The following GALNTL6 variants were observed in gnomAD, a reference collection of about 807,000 sequenced individuals.
GALNTL6 encodes polypeptide N-acetylgalactosaminyltransferase like 6, also known as polypeptide N-acetylgalactosaminyltransferase-like 6.
GALNTL6 carries 46 observed loss-of-function variants against 73.7 expected under a neutral mutation model. The ratio of observed to expected loss-of-function variants is 0.62; its 90% CI spans 0.49 to 0.80. The LOEUF (loss-of-function observed/expected upper bound fraction) is 0.80. GALNTL6 is among the 30% of genes least tolerant of loss of function. GALNTL6 has a pLI of 0.00. For missense variants in GALNTL6, 604 were observed against 755.0 expected (o/e 0.80, Z 2.34); for synonymous variants, 259 against 263.7 (o/e 0.98, Z 0.17).
intron 5 of GALNTL6, among the ~76,000 whole-genome samples, chr4:172,808,382 A>G (rs1741099241): frequency 6.6e-6 from 1 of 152,242 alleles, no homozygotes; most frequent in South Asian, 2.1e-4. Context: ...AAGAGACTTA[A>G]TAATATTGCC....
intron 8 of GALNTL6, among the ~76,000 whole-genome samples, chr4:172,916,910 A>G (rs895207160): frequency 5.9e-5 from 9 of 152,230 alleles, no homozygotes; most frequent in Non-Finnish European, 1.3e-4. Flanking sequence ...TAAAGTTCAT[A>G]TGGAACCAAA....
intron 4 of GALNTL6, among the ~76,000 whole-genome samples, chr4:172,334,177 G>A (rs755439956): frequency 3.3e-5 from 5 of 152,064 alleles, no homozygotes; most frequent in Non-Finnish European, 7.4e-5. Context: ...TTTGAACTCA[G>A]GTCATGTGAT....
intron 2 of GALNTL6, among the ~76,000 whole-genome samples, chr4:172,095,815 T>C (rs1336622276): frequency 6.6e-6 from 1 of 152,146 alleles, no homozygotes; most frequent in Non-Finnish European, 1.5e-5. Context: ...TCTTTAGCTG[T>C]TGGAAGAATT....
At chr4:172,838,980 G>C (rs997659386) in intron 7 of GALNTL6, among the ~76,000 whole-genome samples, 2 of 152,164 alleles carry the variant, frequency 1.3e-5, no homozygotes, top group African/African-American at 4.8e-5. Context: ...AACTAATTTA[G>C]AGTTTGTTTT....
At chr4:172,000,385 TATCTC>T (rs1740638636) in intron 2 of GALNTL6, among the ~76,000 whole-genome samples, 1 of 152,156 alleles carries the variant, frequency 6.6e-6, no homozygotes, top group African/African-American at 2.4e-5. Flanking sequence ...CTGCAGAACA[TATCTC>T]AGAATCATCC....
chr4:171,962,351 G>A (rs912026771), intron 2 of GALNTL6, among the ~76,000 whole-genome samples: 1 of 152,158 alleles, frequency 6.6e-6, no homozygotes. Flanking sequence ...TGAGATAGGA[G>A]ATCCGCACAA....
intron 11 of GALNTL6, among the ~76,000 whole-genome samples, chr4:173,012,671 G>C (rs1189779664): frequency 6.6e-6 from 1 of 152,186 alleles, no homozygotes; most frequent in Non-Finnish European, 1.5e-5. Flanking sequence ...TGCACATGCA[G>C]CAGGTGCAGA....
intron 4 of GALNTL6, among the ~76,000 whole-genome samples, chr4:172,347,949 A>G (rs1741807532): frequency 6.6e-6 from 1 of 152,052 alleles, no homozygotes; most frequent in African/African-American, 2.4e-5. Flanking sequence ...TAACATCTTG[A>G]TTTGGATCTT....
At chr4:172,915,945 A>C (rs1382681442) in intron 8 of GALNTL6, among the ~76,000 whole-genome samples, 1 of 152,218 alleles carries the variant, frequency 6.6e-6, no homozygotes, top group Non-Finnish European at 1.5e-5. Flanking sequence ...CACAACAAAA[A>C]AAGAGAATTA....
At chr4:172,663,837 T>C (rs1446101290) in intron 5 of GALNTL6, among the ~76,000 whole-genome samples, 1 of 150,718 alleles carries the variant, frequency 6.6e-6, no homozygotes, top group Admixed American at 6.6e-5. Flanking sequence ...GGCTGAGGCA[T>C]GAGAATCGCT....
chr4:172,574,305 A>C (rs2110956759), intron 5 of GALNTL6, among the ~76,000 whole-genome samples: 1 of 152,204 alleles, frequency 6.6e-6, no homozygotes, highest in Admixed American at 6.5e-5. Context: ...CAAAGTCTGA[A>C]AAATGGATTA....
chr4:172,118,905 T>A (rs13104342), intron 2 of GALNTL6, among the ~76,000 whole-genome samples: 2,086 of 152,100 alleles, frequency 0.014, 48 homozygotes, highest in African/African-American at 0.046. Flanking sequence ...TTTTCCAGAC[T>A]TTTAGACTTT....
intron 5 of GALNTL6, among the ~76,000 whole-genome samples, chr4:172,513,534 C>T (rs909543054): frequency 7.9e-5 from 12 of 152,178 alleles, no homozygotes; most frequent in Non-Finnish European, 1.8e-4. Flanking sequence ...GATTCCTTCT[C>T]ATTTGAGTAG....
chr4:172,735,995 G>A (rs1347937808), intron 5 of GALNTL6, among the ~76,000 whole-genome samples: 1 of 152,176 alleles, frequency 6.6e-6, no homozygotes, highest in African/African-American at 2.4e-5. Context: ...GTGGGTCACA[G>A]AGATCACATG....
At chr4:171,889,425 G>T (rs1444626546) in intron 2 of GALNTL6, among the ~76,000 whole-genome samples, 1 of 151,904 alleles carries the variant, frequency 6.6e-6, no homozygotes, top group Non-Finnish European at 1.5e-5. Context: ...GCTTATGTTA[G>T]CCATACAAAC....
At chr4:172,991,952 A>G (rs1561074121) in intron 10 of GALNTL6, among the ~76,000 whole-genome samples, 1 of 152,224 alleles carries the variant, frequency 6.6e-6, no homozygotes, top group East Asian at 1.9e-4. Flanking sequence ...ATTTGCTCAC[A>G]CACAGAATTT....
intron 2 of GALNTL6, among the ~76,000 whole-genome samples, chr4:172,185,502 G>A (rs894343004): frequency 6.6e-6 from 1 of 152,014 alleles, no homozygotes; most frequent in Non-Finnish European, 1.5e-5. Flanking sequence ...TTTATAATTT[G>A]TCCACTGACA....
chr4:172,838,372 C>A (rs28367138), intron 7 of GALNTL6, among the ~76,000 whole-genome samples: 1 of 152,044 alleles, frequency 6.6e-6, no homozygotes, highest in Admixed American at 6.6e-5. Context: ...AGTCCAGACA[C>A]GCAGTGTGTC....
intron 2 of GALNTL6, among the ~76,000 whole-genome samples, chr4:172,048,848 A>C (rs1488327747): frequency 1.3e-5 from 2 of 152,184 alleles, no homozygotes; most frequent in African/African-American, 4.8e-5. Flanking sequence ...TTCCAAAAAA[A>C]GACAGCTCAA....
Sources: gnomAD v4.1 joint callset for allele counts (sites outside exome capture counted in the v4.1 genomes callset) on GRCh38, gnomAD v4.1.1 for gene constraint, MANE v1.5 for transcripts, NCBI Gene and HGNC (gene_info 2026-07-23, HGNC 2026-07-21) for gene names.